The following XKR9 variants were observed in gnomAD, a reference collection of about 807,000 sequenced individuals.
The protein encoded by XKR9 is XK related 9, also known as XK-related protein 9.
In XKR9, 32 loss-of-function variants were observed where a neutral mutation model predicts 32.0. The ratio of observed to expected loss-of-function variants is 1.00; its 90% CI spans 0.76 to 1.34. XKR9 has a LOEUF of 1.34. Ranked by LOEUF, XKR9 falls within the 40% of genes most tolerant of loss-of-function variation. The pLI is 0.00. For synonymous variants in XKR9, 168 were observed against 143.4 expected, an observed-to-expected ratio of 1.17 and a Z score of -1.22; for missense variants, 546 against 429.7, an observed-to-expected ratio of 1.27 and a Z score of -2.39.
the XKR9 span, among the ~76,000 whole-genome samples, chr8:71,038,625 T>A: frequency 7.9e-5 from 12 of 150,998 alleles, no homozygotes; most frequent in South Asian, 1.3e-3. Context: ...GCCAACTGAT[T>A]TCTTTAGTCA....
At chr8:70,836,791 C>A in the XKR9 span, among the ~76,000 whole-genome samples, 1 of 152,078 alleles carries the variant, frequency 6.6e-6, no homozygotes, top group South Asian at 2.1e-4. Context: ...TTATTGGAAA[C>A]CTACAAGGTG....
the XKR9 span, among the ~76,000 whole-genome samples, chr8:70,911,430 G>C: frequency 2.0e-5 from 3 of 152,052 alleles, no homozygotes; most frequent in African/African-American, 7.2e-5. Context: ...GCTATCCATT[G>C]TTAATTTATC....
At chr8:70,710,498 C>T (rs1465777462) in intron 4 of XKR9, among the ~76,000 whole-genome samples, 2 of 151,968 alleles carry the variant, frequency 1.3e-5, no homozygotes, top group Middle Eastern at 3.2e-3. Flanking sequence ...GTCAGGAGTT[C>T]GAGATCAGCC....
At chr8:70,958,061 T>C in the XKR9 span, among the ~76,000 whole-genome samples, 1 of 152,200 alleles carries the variant, frequency 6.6e-6, no homozygotes, top group Non-Finnish European at 1.5e-5. Context: ...GTGGTGGAAT[T>C]ATGGGCATGA....
the XKR9 span, among the ~76,000 whole-genome samples, chr8:70,925,711 C>T: frequency 6.6e-6 from 1 of 152,082 alleles, no homozygotes; most frequent in Admixed American, 6.5e-5. Context: ...ACTGCAAGAA[C>T]ACGTGGTAAG....
chr8:70,813,873 A>C, the XKR9 span, among the ~76,000 whole-genome samples: 1 of 152,214 alleles, frequency 6.6e-6, no homozygotes, highest in Admixed American at 6.5e-5. Flanking sequence ...ACCATTGTGG[A>C]AGTCAGTGTG....
chr8:70,899,669 C>T, the XKR9 span, among the ~76,000 whole-genome samples: 1 of 152,022 alleles, frequency 6.6e-6, no homozygotes, highest in Non-Finnish European at 1.5e-5. Flanking sequence ...CAGTAAGTGG[C>T]AGAGAGGGGC....
At chr8:70,796,164 G>A in the XKR9 span, among the ~76,000 whole-genome samples, 1 of 151,868 alleles carries the variant, frequency 6.6e-6, no homozygotes, top group Admixed American at 6.6e-5. Context: ...TACCACACAG[G>A]TAATAAGCAT....
At chr8:71,054,613 C>T in the XKR9 span, among the ~76,000 whole-genome samples, 2 of 152,202 alleles carry the variant, frequency 1.3e-5, no homozygotes, top group Non-Finnish European at 2.9e-5. Flanking sequence ...CATGAGGCTA[C>T]TGGTGCCATT....
the XKR9 span, among the ~76,000 whole-genome samples, chr8:71,038,851 C>T: frequency 2.1e-5 from 3 of 142,410 alleles, no homozygotes; most frequent in Non-Finnish European, 3.0e-5. Context: ...GCCACCCAGG[C>T]TGGAGTGCAG....
At chr8:71,056,615 G>A in the XKR9 span, among the ~76,000 whole-genome samples, 1 of 152,102 alleles carries the variant, frequency 6.6e-6, no homozygotes, top group Non-Finnish European at 1.5e-5. Context: ...CCTAATGCCT[G>A]CTAGAATCAG....
chr8:70,707,803 G>C (rs1421759896), intron 4 of XKR9, among the ~76,000 whole-genome samples: 1 of 151,956 alleles, frequency 6.6e-6, no homozygotes, highest in Non-Finnish European at 1.5e-5. Flanking sequence ...AGATTTGTTT[G>C]TTAAGGTAAA....
chr8:70,728,332 CA>C (rs1806545771), intron 4 of XKR9, among the ~76,000 whole-genome samples: 1 of 152,138 alleles, frequency 6.6e-6, no homozygotes, highest in African/African-American at 2.4e-5. Context: ...TCCTGCTGAT[CA>C]GGGGCATAGT....
At chr8:71,050,234 G>GATATAT in the XKR9 span, among the ~76,000 whole-genome samples, 423 of 95,754 alleles carry the variant, frequency 4.4e-3, 5 homozygotes, top group Middle Eastern at 0.018. Context: ...ATGCCTGGCA[G>GATATAT]AGATATATAT....
At chr8:70,849,278 G>A in the XKR9 span, among the ~76,000 whole-genome samples, 4 of 152,158 alleles carry the variant, frequency 2.6e-5, no homozygotes, top group African/African-American at 9.7e-5. Context: ...TCAGACCACT[G>A]TGCAAACAAA....
the XKR9 span, among the ~76,000 whole-genome samples, chr8:71,006,551 C>T: frequency 6.6e-6 from 1 of 152,134 alleles, no homozygotes; most frequent in Non-Finnish European, 1.5e-5. Flanking sequence ...CTTAAACAAA[C>T]CTTCAACTGC....
chr8:70,878,024 T>C, the XKR9 span, among the ~76,000 whole-genome samples: 2 of 152,092 alleles, frequency 1.3e-5, no homozygotes. Flanking sequence ...TTAACAAAAA[T>C]AATTTTCAAC....
the XKR9 span, among the ~76,000 whole-genome samples, chr8:70,862,165 T>G: frequency 2.0e-5 from 3 of 152,178 alleles, no homozygotes; most frequent in Non-Finnish European, 4.4e-5. Flanking sequence ...GAAAGAGCCC[T>G]GGAGAACAAA....
At chr8:71,057,425 T>A in the XKR9 span, among the ~76,000 whole-genome samples, 1 of 152,174 alleles carries the variant, frequency 6.6e-6, no homozygotes, top group African/African-American at 2.4e-5. Flanking sequence ...GCAGGCTGTC[T>A]CCCAAATTCA....
Sources: gnomAD v4.1 joint callset for allele counts (sites outside exome capture counted in the v4.1 genomes callset) on GRCh38, gnomAD v4.1.1 for gene constraint, MANE v1.5 for transcripts, NCBI Gene and HGNC (gene_info 2026-07-23, HGNC 2026-07-21) for gene names.